Variants in SERINC4 observed in about 807,000 individuals in gnomAD.
SERINC4 encodes serine incorporator 4.
A neutral mutation model predicts 52.0 loss-of-function variants in SERINC4; 52 were observed. The observed-to-expected ratio is 1.00, with a 90% CI of 0.80 to 1.26. The LOEUF (loss-of-function observed/expected upper bound fraction) is 1.26, where lower values mean the gene tolerates loss of function less well. Among genes scored for constraint, SERINC4 ranks in the 50% most tolerant of loss-of-function variants. SERINC4 has a pLI of 0.00. For synonymous variants in SERINC4, 264 were observed against 247.7 expected, an observed-to-expected ratio of 1.07 and a Z score of -0.62; for missense variants, 723 against 632.8, an observed-to-expected ratio of 1.14 and a Z score of -1.53.
Position 43,797,766 on chromosome 15 carries a change from G to C in SERINC4, c.632+154C>G, listed in dbSNP as rs182783831. 1.8e-5 allele frequency: 11 copies of C among 611,700 alleles called. No homozygotes were observed. In the Admixed American group the frequency reaches 3.2e-4, roughly 18 times the overall value. 37.9% of individuals were successfully genotyped at this position (611,700 alleles called of 1,614,324 possible). On this transcript the variant is annotated intron_variant, in intron 5 of 11. Coordinates refer to ENST00000319327, the MANE Select transcript of SERINC4 (RefSeq NM_001258031.2). ...ACTGGTGTGACTAGCCATCCTACTT[G>C]GCCCACGCAGTCATCACATTCCTAA...
chr15:43,796,484 T>A, intron 8 of SERINC4, 132 bp downstream of exon 8: 1 of 1,006,678 alleles, frequency 9.9e-7, no homozygotes, highest in Non-Finnish European at 1.5e-6. Flanking sequence ...AATTTGTCCC[T>A]GTTTGTGGGG....
At position 43,798,355 on chromosome 15, in the gene SERINC4, CCT is replaced by C. The variant is rs1172137873; in HGVS notation, c.538+68_538+69del. On this transcript the variant is annotated intron_variant, in intron 4 of 11. Transcript: ENST00000319327. Reference sequence around the variant, plus strand: ...TGAGCCACTGCACCCGGCCATTACTCCTCTTCTTACCCACTTGTTATCTTAGA... The same window carrying C: ...TGAGCCACTGCACCCGGCCATTACTCCTTCTTACCCACTTGTTATCTTAGA... 56 of 1,208,966 alleles carry C rather than the reference CCT, an allele frequency of 4.6e-5. No individual in the cohort carries two copies. The Admixed American group carries it at 9.4e-4, about 20-fold the overall frequency. 74.9% of individuals were successfully genotyped at this position (1,208,966 alleles called of 1,614,324 possible).
In SERINC4 at chr15:43,797,374, G is replaced by A. The variant is rs990296501; in HGVS notation, c.633-18C>T. The stretch of plus-strand genomic sequence containing the variant: ...CTGTCTGCCTAAGGGTGGAAAGTGG[G>A]CAATGGCTTGGAGCTCCAGCATTTT... On this transcript the variant is annotated intron_variant, in intron 5 of 11. Transcript: ENST00000319327. The A allele has an allele frequency of 3.9e-6, 6 of 1,537,258 alleles. No individual in the cohort carries two copies. In the Admixed American group the frequency reaches 1.2e-4, roughly 31 times the overall value.
chr15:43,799,645 T>C (rs1448160611), intron 1 of SERINC4, 159 bp from the exon 2 acceptor site: 5 of 1,006,094 alleles, frequency 5.0e-6, no homozygotes. Flanking sequence ...ATTCCAGCCA[T>C]TTGGGATTGC....
intron 2 of SERINC4, 51 bp from the exon 3 acceptor site, chr15:43,799,188 G>A (rs3784275): frequency 0.1 from 151,925 of 1,521,334 alleles, 8,237 homozygotes; most frequent in East Asian, 0.18. Flanking sequence ...TGCATGGAAA[G>A]GTACCTACTT....
chr15:43,799,595 T>C, intron 1 of SERINC4, 109 bp from the exon 2 acceptor site: 1 of 1,313,028 alleles, frequency 7.6e-7, no homozygotes, highest in Non-Finnish European at 1.1e-6. Context: ...AAATTTCCCC[T>C]TCCCCTTTCT....
chr15:43,796,250 AGCTGGT>A (rs2087213193), intron 8 of SERINC4, 23 bp from the exon 9 acceptor site: 3 of 1,591,442 alleles, frequency 1.9e-6, no homozygotes, highest in African/African-American at 1.3e-5. Flanking sequence ...AGAGTTCTTA[AGCTGGT>A]TTAGTTAAAT....
At position 43,795,462 on chromosome 15, in the gene SERINC4, G is replaced by T; in HGVS notation, c.1269C>A (p.Tyr423Ter). The T allele has an allele frequency of 6.2e-7, 1 of 1,614,186 alleles. No individual in the cohort carries two copies. The change falls in exon 11 of 12, where the codon TAC (tyrosine) becomes TAA (stop). Residue 423 changes from tyrosine (Y) to a stop codon, truncating the protein, a stop_gained. Transcript: ENST00000319327. LOFTEE classifies it high-confidence loss of function. ...APPVQVQHLS[Y>*]NYSAFHFVFF... ...AGACGAAGTGGAAGGCAGAATAGTT[G>T]TAGGAAAGATGCTGGACTTGGACTG...
intron 8 of SERINC4, 174 bp downstream of exon 8, chr15:43,796,442 A>G: frequency 1.3e-6 from 1 of 780,074 alleles, no homozygotes; most frequent in South Asian, 1.8e-5. Context: ...CCTTCATCTC[A>G]TACAGATCAT....
In SERINC4 at chr15:43,796,446, A is replaced by T. The variant is rs563007895; in HGVS notation, c.1067+170T>A. ...TCCCCCCACCCCCTTCATCTCATAC[A>T]GATCATCTGACAAAGTACTATTCTT... On this transcript the variant is annotated intron_variant, in intron 8 of 11. Coordinates refer to ENST00000319327, the MANE Select transcript of SERINC4 (RefSeq NM_001258031.2). The T allele has an allele frequency of 5.0e-6, 4 of 793,408 alleles. 1 individual carries two copies. In the Admixed American group the frequency reaches 1.0e-4, roughly 21 times the overall value. 49.1% of individuals were successfully genotyped at this position (793,408 alleles called of 1,614,324 possible).
intron 3 of SERINC4, 60 bp downstream of exon 3, chr15:43,798,899 C>T (rs1275794473): frequency 1.3e-6 from 2 of 1,511,270 alleles, no homozygotes; most frequent in South Asian, 1.2e-5. Context: ...ATTTCCTTTA[C>T]CCAGCCTATG....
intron 3 of SERINC4, 68 bp from the exon 4 acceptor site, chr15:43,798,572 G>A: frequency 4.1e-6 from 5 of 1,225,254 alleles, no homozygotes; most frequent in Non-Finnish European, 6.0e-6. Context: ...AGTGCCTATG[G>A]GGAAAGGCAA....
At position 43,798,415 on chromosome 15, in the gene SERINC4, G is replaced by A; in HGVS notation, c.538+10C>T. ...GCCTACTCCTGCCAAGAGTGTGGGA[G>A]GGAGAGTACCTGGGAAGAGATGCTC... On this transcript the variant is annotated intron_variant, in intron 4 of 11. Coordinates refer to ENST00000319327, the MANE Select transcript of SERINC4 (RefSeq NM_001258031.2). 3 of 1,599,742 alleles carry A rather than the reference G, an allele frequency of 1.9e-6. No individual in the cohort carries two copies. The highest frequency in any genetic ancestry group is 2.6e-6 in the Non-Finnish European group (3 of 1,166,900).
At chr15:43,799,670 TTAG>T in intron 1 of SERINC4, 184 bp from the exon 2 acceptor site, 1 of 840,932 alleles carries the variant, frequency 1.2e-6, no homozygotes. Flanking sequence ...CACTGACAAC[TTAG>T]TAGGGCTTTC....
In SERINC4 at chr15:43,799,299, CT is replaced by C. The variant is rs2087273291; in HGVS notation, c.279+10del. ...TCTTCCCACCTGACAACCCGACCCC[CT>C]CTCACTTACCCTGTGTGTCTTGCCC... On this transcript the variant is annotated intron_variant, in intron 2 of 11. Transcript: ENST00000319327. 1.3e-5 allele frequency: 20 copies of C among 1,549,696 alleles called. No individual in the cohort carries two copies. The highest frequency in any genetic ancestry group is 1.5e-5 in the Non-Finnish European group (17 of 1,146,030).
Position 43,795,111 on chromosome 15 carries a change from C to T in SERINC4, c.1446G>A (p.Gly482=). Residue 482 remains glycine, a synonymous_variant, in exon 12 of 12, where the codon GGG becomes GGA. Transcript: ENST00000319327. ...SCWACVLLYL[G]LLLAPLCWPP... is the part of the protein sequence containing the mutation. The stretch of plus-strand genomic sequence containing the variant: ...GCCAACAGAGTGGTGCCAGTAACAG[C>T]CCCAGATAGAGGAGTACGCAGGCCC... 1.2e-6 allele frequency: 2 copies of T among 1,613,984 alleles called. No homozygotes were observed. Among genetic ancestry groups the T allele is most frequent in the Admixed American group, 3.3e-5 (2 of 60,004 alleles).
At position 43,795,378 on chromosome 15, in the gene SERINC4, T is replaced by TC. The variant is rs769182206; in HGVS notation, c.1343+9dup. 3.1e-6 allele frequency: 5 copies of TC among 1,614,122 alleles called. No homozygotes were observed. The highest frequency in any genetic ancestry group is 4.2e-6 in the Non-Finnish European group (5 of 1,179,982). ...CTTCAGGAGAGTATCTAAGGCCCAC[T>TC]CCATCTTACCTGAACCAGTTGGTAA... On this transcript the variant is annotated intron_variant, in intron 11 of 11. Transcript: ENST00000319327.
Position 43,800,067 on chromosome 15 carries a change from G to T in SERINC4, c.-81C>A. Reference sequence around the variant, plus strand: ...AGTTGCTTCTGTCCTCAGCCCATTGGACTGCCACTGTGTTGGGGCTGAGCA... The same window carrying T: ...AGTTGCTTCTGTCCTCAGCCCATTGTACTGCCACTGTGTTGGGGCTGAGCA... On this transcript the variant is annotated 5_prime_UTR_variant, in exon 1 of 12. Coordinates refer to ENST00000319327, the MANE Select transcript of SERINC4 (RefSeq NM_001258031.2). 5 of 1,074,356 alleles carry T rather than the reference G, an allele frequency of 4.7e-6. No individual in the cohort carries two copies. Among genetic ancestry groups the T allele is most frequent in the South Asian group, 1.6e-5 (1 of 61,250 alleles). 66.6% of individuals were successfully genotyped at this position (1,074,356 alleles called of 1,614,324 possible). A position where few individuals can be genotyped will look rare whatever the true frequency, so the allele number is the denominator to read the frequency against.
In SERINC4 at chr15:43,797,985, G is replaced by A. The variant is rs2087246533; in HGVS notation, c.567C>T (p.Gly189=). 7 of 1,613,498 alleles carry A rather than the reference G, an allele frequency of 4.3e-6. No homozygotes were observed. The highest frequency in any genetic ancestry group is 5.1e-6 in the Non-Finnish European group (6 of 1,179,662). The part of the protein sequence containing the change: ...PAWHYIGICG[G]FAFILLQLVL... Reference sequence around the variant, plus strand: ...CCAACTGCAGTAGGATGAATGCAAAGCCTCCACAGATGCCAATGTAATGCC... The same window carrying A: ...CCAACTGCAGTAGGATGAATGCAAAACCTCCACAGATGCCAATGTAATGCC... The change falls in exon 5 of 12, where the codon GGC becomes GGT. Residue 189 remains glycine (G), a synonymous_variant. Coordinates refer to ENST00000319327, the MANE Select transcript of SERINC4 (RefSeq NM_001258031.2).
Sources: allele counts gnomAD v4.1 joint callset, GRCh38; gene constraint gnomAD v4.1.1; transcripts MANE v1.5; gene names NCBI Gene and HGNC (gene_info 2026-07-23, HGNC 2026-07-21).